The following ARHGEF18 variants were observed in gnomAD, a reference collection of about 807,000 sequenced individuals.
ARHGEF18 encodes the protein Rho/Rac guanine nucleotide exchange factor 18, also known as rho guanine nucleotide exchange factor 18.
Under a neutral mutation model 155.7 loss-of-function variants are expected in ARHGEF18, and 93 were observed. The ratio of observed to expected loss-of-function variants is 0.60; its 90% CI spans 0.50 to 0.71. The LOEUF is 0.71. ARHGEF18 is among the 30% of genes least tolerant of loss of function. ARHGEF18 has a pLI of 0.00. For synonymous variants in ARHGEF18, 742 were observed against 753.1 expected, an observed-to-expected ratio of 0.99 and a Z score of 0.24; for missense variants, 1,593 against 1,816.1, an observed-to-expected ratio of 0.88 and a Z score of 2.23.
At chr19:7,478,859 C>T in the ARHGEF18 span, among the ~76,000 whole-genome samples, 11 of 152,226 alleles carry the variant, frequency 7.2e-5, no homozygotes, top group Non-Finnish European at 1.5e-5. Context: ...TTGGCTGGAC[C>T]TGTCTGGATG....
chr19:7,468,979 G>A lies in ARHGEF18; in HGVS notation c.3635G>A (p.Ser1212Asn). 6.3e-7 allele frequency: 1 copy of A among 1,591,980 alleles called. No individual in the cohort carries two copies. The highest frequency in any genetic ancestry group is 8.5e-7 in the Non-Finnish European group (1 of 1,170,712). Residue 1212 changes from serine to asparagine, a missense_variant, in exon 27 of 29, where the codon AGC becomes AAC. Physicochemically the swap from Ser to Asn is conservative, Grantham distance 46. Coordinates refer to ENST00000668164, the MANE Select transcript of ARHGEF18 (RefSeq NM_001367823.1). ...CCCACCGAGAACCGGCTGGCCAAGA[G>A]CGATGTGCCCATCCAGCTGCTCAGC... is the stretch of plus-strand genomic sequence containing the variant. ...SAPTENRLAK[S>N]DVPIQLLSAT... is the part of the protein sequence containing the mutation.
chr19:7,450,898 G>GCCCTTTTCCGATATGTTAA (rs1568348307), intron 15 of ARHGEF18, among the ~76,000 whole-genome samples: 2 of 1,500 alleles, frequency 1.3e-3, no homozygotes, highest in African/African-American at 5.4e-3. Flanking sequence ...GGGTCTTGCT[G>GCCCTTTTCCGATATGTTAA]TACCTTTCTG....
downstream of ARHGEF18, chr19:7,473,157 AATC>A (rs1441050953): frequency 4.4e-6 from 2 of 456,226 alleles, no homozygotes; most frequent in Non-Finnish European, 8.8e-6. Flanking sequence ...ATGAGTATGA[AATC>A]ATCATTTCCA....
downstream of ARHGEF18, among the ~76,000 whole-genome samples, chr19:7,473,671 G>T (rs571093025): frequency 4.6e-5 from 7 of 152,148 alleles, no homozygotes; most frequent in South Asian, 8.3e-4. Context: ...TTAGCCGGGC[G>T]TGGTGGCGGG....
Position 7,362,884 on chromosome 19 carries a change from C to T in ARHGEF18, c.-7C>T, listed in dbSNP as rs1306260665. 8.1e-7 allele frequency: 1 copy of T among 1,234,260 alleles called. No homozygotes were observed. The highest frequency in any genetic ancestry group is 1.0e-6 in the Non-Finnish European group (1 of 988,194). 76.5% of individuals were successfully genotyped at this position (1,234,260 alleles called of 1,614,324 possible). A position where few individuals can be genotyped will look rare whatever the true frequency, so the allele number is the denominator to read the frequency against. ...GGAAACCTGAGAACCCAGACTTCTTCTCTGCCATGGGGGATGATCAGGCAG... is the reference window on the plus strand; with the variant it reads ...GGAAACCTGAGAACCCAGACTTCTTTTCTGCCATGGGGGATGATCAGGCAG... On this transcript the variant is annotated 5_prime_UTR_variant, in exon 2 of 29. Transcript: ENST00000668164.
chr19:7,474,437 C>T (rs1568375590), downstream of ARHGEF18, among the ~76,000 whole-genome samples: 1 of 152,022 alleles, frequency 6.6e-6, no homozygotes, highest in Non-Finnish European at 1.5e-5. Flanking sequence ...AGTGCAGTGG[C>T]ACGCTATCTT....
intron 8 of ARHGEF18, 95 bp downstream of exon 8, chr19:7,381,089 A>T: frequency 7.4e-6 from 7 of 949,172 alleles, no homozygotes; most frequent in Middle Eastern, 3.7e-4. Context: ...TGCTGGGGGC[A>T]GGAGCTGGAG....
chr19:7,453,488 A>T lies in ARHGEF18; in HGVS notation c.1877A>T (p.Asp626Val). The T allele has an allele frequency of 2.5e-6, 4 of 1,610,496 alleles. No homozygotes were observed. The highest frequency in any genetic ancestry group is 3.4e-6 in the Non-Finnish European group (4 of 1,177,390). ...GCAGCTGGCACTGAGGACTATGAAGACCTGACCCAGGCCTTGAACCTCATC... is the reference window on the plus strand; with the variant it reads ...GCAGCTGGCACTGAGGACTATGAAGTCCTGACCCAGGCCTTGAACCTCATC... ...NTEAGTEDYE[D>V]LTQALNLIKD... Residue 626 changes from aspartate (D) to valine (V), a missense_variant, in exon 17 of 29, where the codon GAC becomes GTC. By Grantham distance (152) the Asp-to-Val change is radical (BLOSUM62 -3). Coordinates refer to ENST00000668164, the MANE Select transcript of ARHGEF18 (RefSeq NM_001367823.1).
chr19:7,417,864 G>A (rs1343902397), intron 10 of ARHGEF18, among the ~76,000 whole-genome samples: 1 of 152,170 alleles, frequency 6.6e-6, no homozygotes, highest in African/African-American at 2.4e-5. Flanking sequence ...GATAGCCTGG[G>A]TGGGGCCAGA....
At chr19:7,404,703 C>A (rs1235032535) in intron 10 of ARHGEF18, among the ~76,000 whole-genome samples, 2 of 152,004 alleles carry the variant, frequency 1.3e-5, no homozygotes, top group South Asian at 2.1e-4. Context: ...TGGAGCTAAT[C>A]CGACCTGAAC....
At chr19:7,381,240 C>A (rs549425480) in intron 8 of ARHGEF18, among the ~76,000 whole-genome samples, 1 of 151,722 alleles carries the variant, frequency 6.6e-6, no homozygotes, top group East Asian at 1.9e-4. Flanking sequence ...TTTGCCAATA[C>A]GTGCAGATAA....
intron 10 of ARHGEF18, among the ~76,000 whole-genome samples, chr19:7,407,230 G>C (rs949727840): frequency 1.3e-5 from 2 of 150,268 alleles, no homozygotes; most frequent in Non-Finnish European, 3.0e-5. Flanking sequence ...TTCGAGACCA[G>C]CCTGGCCAAC....
intron 10 of ARHGEF18, among the ~76,000 whole-genome samples, chr19:7,428,086 A>G (rs1054384204): frequency 6.6e-5 from 10 of 152,198 alleles, no homozygotes; most frequent in Admixed American, 6.5e-4. Context: ...AGATGATAAA[A>G]CCAGAAAGTA....
At chr19:7,467,139 C>T (rs750138978) in intron 25 of ARHGEF18, 21 bp downstream of exon 25, 42 of 1,587,400 alleles carry the variant, frequency 2.6e-5, no homozygotes, top group Non-Finnish European at 3.2e-5. Flanking sequence ...GGGGTGGGGC[C>T]GGCCACGCGT....
chr19:7,355,772 A>G, intron 1 of ARHGEF18: 9 of 953,648 alleles, frequency 9.4e-6, no homozygotes, highest in Non-Finnish European at 1.0e-5. Flanking sequence ...CCTGCCCGCC[A>G]TCCCCCTTCG....
intron 1 of ARHGEF18, among the ~76,000 whole-genome samples, chr19:7,358,579 T>C (rs1257543690): frequency 6.6e-6 from 1 of 152,136 alleles, no homozygotes; most frequent in African/African-American, 2.4e-5. Flanking sequence ...CATCCAACCA[T>C]CTATCCATTT....
At chr19:7,442,514 C>T (rs1455989054) in intron 13 of ARHGEF18, among the ~76,000 whole-genome samples, 4 of 150,730 alleles carry the variant, frequency 2.7e-5, no homozygotes, top group Admixed American at 6.6e-5. Flanking sequence ...GGATTATAGG[C>T]GTGAGCCACG....
chr19:7,474,438 A>G (rs1055666361), downstream of ARHGEF18, among the ~76,000 whole-genome samples: 6 of 152,062 alleles, frequency 3.9e-5, no homozygotes, highest in East Asian at 1.9e-4. Flanking sequence ...GTGCAGTGGC[A>G]CGCTATCTTG....
At chr19:7,469,234 T>A (rs867701325) in intron 27 of ARHGEF18, 103 bp downstream of exon 27, 14 of 1,374,662 alleles carry the variant, frequency 1.0e-5, no homozygotes, top group Admixed American at 2.7e-5. Context: ...TGCCATCCTC[T>A]GGAGAGGAAA....
Sources: allele counts gnomAD v4.1 joint callset (sites outside exome capture counted in the v4.1 genomes callset), GRCh38; gene constraint gnomAD v4.1.1; transcripts MANE v1.5; gene names NCBI Gene and HGNC (gene_info 2026-07-23, HGNC 2026-07-21).